Variants in CACNA1I observed in about 807,000 individuals in gnomAD.
CACNA1I encodes the protein calcium voltage-gated channel subunit alpha1 I.
CACNA1I carries 74 observed loss-of-function variants against 201.6 expected under a neutral mutation model. That is an observed-to-expected ratio of 0.37 (90% confidence interval 0.30 to 0.45). The LOEUF is 0.45. Among genes scored for constraint, CACNA1I ranks in the 20% least tolerant of loss-of-function variants. The probability of loss-of-function intolerance (pLI) is 1.00; values close to 1 mark genes in which losing one functional copy is unlikely to be tolerated. For missense variants in CACNA1I, 2,346 were observed against 3,138.1 expected (o/e 0.75, Z 6.03); for synonymous variants, 1,431 against 1,345.2 (o/e 1.06, Z -1.40).
chr22:39,590,958 A>G (rs1932813515), intron 1 of CACNA1I, among the ~76,000 whole-genome samples: 2 of 151,532 alleles, frequency 1.3e-5, no homozygotes, highest in Non-Finnish European at 2.9e-5. Context: ...TGATCCTCCC[A>G]TCTCAACCTT....
Position 39,640,911 on chromosome 22 carries a change from A to C in CACNA1I, c.785A>C (p.Asp262Ala). The C allele has an allele frequency of 1.2e-6, 2 of 1,613,778 alleles. No individual in the cohort carries two copies. The highest frequency in any genetic ancestry group is 1.7e-6 in the Non-Finnish European group (2 of 1,179,810). Residue 262 changes from aspartate to alanine, a missense_variant, in exon 6 of 37, where the codon GAT becomes GCT. Physicochemically the swap from Asp to Ala is moderately radical, Grantham distance 126 (BLOSUM62 -2). This residue lies in a region of CACNA1I where 227 missense variants were observed against 412.5 expected (regional missense o/e 0.55). Coordinates refer to ENST00000402142, the MANE Select transcript of CACNA1I (RefSeq NM_021096.4). ...ALPPYYQPEE[D>A]DEMPFICSLS... The stretch of plus-strand genomic sequence containing the variant: ...CCCCCATACTACCAGCCGGAGGAGG[A>C]TGATGAGATGCCCTTCATCTGCTCC...
chr22:39,669,060 G>A (rs1293866790), intron 24 of CACNA1I, among the ~76,000 whole-genome samples: 1 of 152,112 alleles, frequency 6.6e-6, no homozygotes, highest in Non-Finnish European at 1.5e-5. Context: ...GTCCCTCTGG[G>A]GCTAGGCGGG....
Position 39,658,204 on chromosome 22 carries a change from T to A in CACNA1I, c.2045T>A (p.Met682Lys). 6.2e-7 allele frequency: 1 copy of A among 1,613,990 alleles called. No individual in the cohort carries two copies. The highest frequency in any genetic ancestry group is 8.5e-7 in the Non-Finnish European group (1 of 1,179,862). ...LEICNVVFTS[M>K]FALEMILKLA... Reference sequence around the variant, plus strand: ...ATCTGCAATGTGGTCTTCACCAGCATGTTTGCCCTGGAGATGATCCTGAAG... The same window carrying A: ...ATCTGCAATGTGGTCTTCACCAGCAAGTTTGCCCTGGAGATGATCCTGAAG... The change falls in exon 11 of 37, where the codon ATG (methionine) becomes AAG (lysine). Residue 682 changes from methionine (M) to lysine (K), a missense_variant. Physicochemically the swap from Met to Lys is moderately conservative, Grantham distance 95 (BLOSUM62 -1). Transcript: ENST00000402142.
chr22:39,654,476 T>C (rs1934754290), intron 10 of CACNA1I, among the ~76,000 whole-genome samples: 1 of 147,124 alleles, frequency 6.8e-6, no homozygotes. Context: ...AGGGCATAGT[T>C]ACTGGCCCCA....
chr22:39,608,023 G>A (rs938352943), intron 3 of CACNA1I, among the ~76,000 whole-genome samples: 1 of 150,008 alleles, frequency 6.7e-6, no homozygotes, highest in East Asian at 2.0e-4. Flanking sequence ...GCTGAGGCAG[G>A]AGAACTGCTT....
intron 4 of CACNA1I, among the ~76,000 whole-genome samples, chr22:39,634,314 T>G (rs1934146914): frequency 6.6e-6 from 1 of 152,204 alleles, no homozygotes; most frequent in African/African-American, 2.4e-5. Flanking sequence ...GCTGCATAAA[T>G]GCTTGCTTGT....
rs1935077553 is a variant in CACNA1I, at chr22:39,663,037, A to G, written c.3473+161A>G. ...CTCCAGGGGAGAGTGCAGCCTCCTG[A>G]GGGCTGCTGGGTGAAGATGGATTTG... On this transcript the variant is annotated intron_variant, in intron 18 of 36. Transcript: ENST00000402142. 2.0e-5 allele frequency among the ~76,000 whole-genome samples: 3 copies of G among 152,238 alleles called. No individual in the cohort carries two copies. In the South Asian group the frequency reaches 6.2e-4, roughly 32 times the overall value.
Position 39,678,907 on chromosome 22 carries a change from G to A in CACNA1I, c.5056-200G>A, listed in dbSNP as rs149954789. Among the ~76,000 whole-genome samples, 399 of 152,298 alleles carry A rather than the reference G, an allele frequency of 2.6e-3. 2 individuals carry two copies. Among genetic ancestry groups the A allele is most frequent in the African/African-American group, 9.2e-3 (384 of 41,556 alleles). On this transcript the variant is annotated intron_variant, in intron 31 of 36. Coordinates refer to ENST00000402142, the MANE Select transcript of CACNA1I (RefSeq NM_021096.4). The stretch of plus-strand genomic sequence containing the variant: ...AGGAGGAGAGGGCGCTGGGCCATCC[G>A]TCTGTCCATGCGGGGACTTAGCTGA...
intron 1 of CACNA1I, among the ~76,000 whole-genome samples, chr22:39,575,828 G>A (rs1005870419): frequency 6.6e-6 from 1 of 151,322 alleles, no homozygotes; most frequent in Non-Finnish European, 1.5e-5. Context: ...AGGATGGAGT[G>A]CAATGGCATG....
intron 7 of CACNA1I, among the ~76,000 whole-genome samples, chr22:39,643,129 A>G (rs1934391192): frequency 6.6e-6 from 1 of 152,176 alleles, no homozygotes; most frequent in Admixed American, 6.5e-5. Context: ...ATGTGTGGGC[A>G]CTTACTTCCC....
At chr22:39,667,071 A>G (rs1297237473) in intron 23 of CACNA1I, among the ~76,000 whole-genome samples, 1 of 152,184 alleles carries the variant, frequency 6.6e-6, no homozygotes, top group African/African-American at 2.4e-5. Flanking sequence ...GAGGGTTCCA[A>G]CCTGGCCTGC....
rs914786150 is a variant in CACNA1I, at chr22:39,598,112, C to T, written c.237-39C>T. On this transcript the variant is annotated intron_variant, in intron 1 of 36. Coordinates refer to ENST00000402142, the MANE Select transcript of CACNA1I (RefSeq NM_021096.4). Reference sequence around the variant, plus strand: ...TAGGGTGCACCCCAGCCCCCACGGGCGATCCCACCTGCTGCTTTGTCCTTG... The same window carrying T: ...TAGGGTGCACCCCAGCCCCCACGGGTGATCCCACCTGCTGCTTTGTCCTTG... 1.1e-5 allele frequency: 14 copies of T among 1,324,144 alleles called. No homozygotes were observed. In the African/African-American group the frequency reaches 1.6e-4, roughly 15 times the overall value. The allele number at this position is 1,324,144 out of a possible 1,614,324, so 82.0% of individuals were successfully genotyped here. A position where few individuals can be genotyped will look rare whatever the true frequency, so the allele number is the denominator to read the frequency against.
chr22:39,671,150 T>C (rs1441870808), intron 26 of CACNA1I, among the ~76,000 whole-genome samples, 196 bp downstream of exon 26: 2 of 152,070 alleles, frequency 1.3e-5, no homozygotes, highest in African/African-American at 4.8e-5. Flanking sequence ...GCTCAGAGTC[T>C]GGAAGGGAAC....
At chr22:39,571,875 C>T (rs116722699) in intron 1 of CACNA1I, among the ~76,000 whole-genome samples, 8,290 of 152,368 alleles carry the variant, frequency 0.054, 401 homozygotes, top group Admixed American at 0.17. Flanking sequence ...GCACCTGGCA[C>T]AGTGCTTGGC....
chr22:39,590,036 G>C (rs920308823), intron 1 of CACNA1I, among the ~76,000 whole-genome samples: 14 of 152,166 alleles, frequency 9.2e-5, no homozygotes, highest in Non-Finnish European at 1.8e-4. Flanking sequence ...GCAGAAGGAG[G>C]GTGGTGGTCG....
In CACNA1I at chr22:39,594,565, CAGG is replaced by C. The variant is rs1932858078; in HGVS notation, c.237-3580_237-3578del. Among the ~76,000 whole-genome samples the C allele has an allele frequency of 2.0e-5, 3 of 151,834 alleles. No individual in the cohort carries two copies. In the South Asian group the frequency reaches 6.3e-4, roughly 32 times the overall value. ...GGACGGGAAGGAGCAGGGCTGGGGC[CAGG>C]AGGAGCTGAGAAGAGGCCACGAGTA... On this transcript the variant is annotated intron_variant, in intron 1 of 36. Transcript: ENST00000402142.
At chr22:39,645,186 G>T (rs1190727170) in intron 7 of CACNA1I, among the ~76,000 whole-genome samples, 2 of 149,822 alleles carry the variant, frequency 1.3e-5, no homozygotes, top group African/African-American at 4.9e-5. Flanking sequence ...AGGATTTCAT[G>T]ATGTTGGCCA....
intron 4 of CACNA1I, among the ~76,000 whole-genome samples, chr22:39,622,145 G>A (rs145984882): frequency 1.2e-3 from 178 of 152,200 alleles, no homozygotes; most frequent in African/African-American, 3.6e-3. Flanking sequence ...GGTGGCCTCC[G>A]TACACTCAGC....
In CACNA1I at chr22:39,664,754, C is replaced by A. The variant is rs764465994; in HGVS notation, c.3682C>A (p.Leu1228Met). 3.8e-6 allele frequency: 6 copies of A among 1,590,926 alleles called. No homozygotes were observed. The highest frequency in any genetic ancestry group is 1.7e-5 in the Admixed American group (1 of 59,110). ...CCCGCCCCAGGTAGTCTCGCTGGGCCTGTACTTCGGCGAGCAGGCGTACCT... is the reference window on the plus strand; with the variant it reads ...CCCGCCCCAGGTAGTCTCGCTGGGCATGTACTTCGGCGAGCAGGCGTACCT... Reference protein sequence around the residue: ...EMTLKVVSLGLYFGEQAYLRS... With the variant: ...EMTLKVVSLGMYFGEQAYLRS... The change falls in exon 21 of 37, where the codon CTG becomes ATG. Residue 1228 changes from leucine (L) to methionine (M), a missense_variant. This residue lies in a region of CACNA1I where 158 missense variants were observed against 231.6 expected (regional missense o/e 0.68). Coordinates refer to ENST00000402142, the MANE Select transcript of CACNA1I (RefSeq NM_021096.4).
Sources: gnomAD v4.1 joint callset for allele counts (sites outside exome capture counted in the v4.1 genomes callset) on GRCh38, gnomAD v4.1.1 for gene constraint, gnomAD v4.1.1 regional missense constraint, MANE v1.5 for transcripts, NCBI Gene and HGNC (gene_info 2026-07-23, HGNC 2026-07-21) for gene names.